Variants in SLC35D2 observed in about 807,000 individuals in gnomAD.
The protein encoded by SLC35D2 is solute carrier family 35 member D2, also known as nucleotide sugar transporter SLC35D2.
SLC35D2 carries 43 observed loss-of-function variants against 41.8 expected under a neutral mutation model. The ratio of observed to expected loss-of-function variants is 1.03; its 90% CI spans 0.81 to 1.33. The LOEUF (loss-of-function observed/expected upper bound fraction) is 1.33. Among genes scored for constraint, SLC35D2 ranks in the 40% most tolerant of loss-of-function variants. The pLI is 0.00. For synonymous variants in SLC35D2, 150 were observed against 163.9 expected, an observed-to-expected ratio of 0.92 and a Z score of 0.65; for missense variants, 380 against 408.4, an observed-to-expected ratio of 0.93 and a Z score of 0.60.
chr9:96,380,098 T>C (rs908738342), intron 1 of SLC35D2, among the ~76,000 whole-genome samples: 1 of 152,156 alleles, frequency 6.6e-6, no homozygotes, highest in African/African-American at 2.4e-5. Flanking sequence ...GGTTTCACCA[T>C]GTTGGTCAGG....
intron 4 of SLC35D2, among the ~76,000 whole-genome samples, chr9:96,359,019 C>T (rs917014137): frequency 1.5e-4 from 22 of 151,082 alleles, no homozygotes; most frequent in Admixed American, 2.6e-4. Context: ...AAATCATTAA[C>T]AGTGGCCGGG....
At chr9:96,348,753 A>C (rs866766717) in intron 6 of SLC35D2, among the ~76,000 whole-genome samples, 33 of 152,246 alleles carry the variant, frequency 2.2e-4, no homozygotes, top group Middle Eastern at 3.4e-3. Context: ...CTCTTGGTTG[A>C]AAGTTAGATG....
chr9:96,359,351 T>C (rs1830171510), intron 4 of SLC35D2, among the ~76,000 whole-genome samples: 1 of 151,122 alleles, frequency 6.6e-6, no homozygotes, highest in African/African-American at 2.4e-5. Context: ...ATCCATTTAA[T>C]AGCATTCCAA....
chr9:96,377,776 T>C (rs1169808507), intron 1 of SLC35D2, among the ~76,000 whole-genome samples: 1 of 151,984 alleles, frequency 6.6e-6, no homozygotes, highest in Non-Finnish European at 1.5e-5. Context: ...CTGAGCTAGG[T>C]GGAGAGGAAG....
At chr9:96,325,931 G>T (rs1828506365) in intron 9 of SLC35D2, among the ~76,000 whole-genome samples, 1 of 152,138 alleles carries the variant, frequency 6.6e-6, no homozygotes, top group Non-Finnish European at 1.5e-5. Flanking sequence ...ACTAGAGGTG[G>T]TAGAGGGAAA....
rs34633441 is a variant in SLC35D2, at chr9:96,358,080, T to TTATATATATATATATATATATA, written c.347+2052_347+2073dup. On this transcript the variant is annotated intron_variant, in intron 4 of 11. Transcript: ENST00000253270. Reference sequence around the variant, plus strand: ...ATGGATAAACAAAATATTATATATTTTATATATATATATATATATATATAT... The same window carrying TTATATATATATATATATATATA: ...ATGGATAAACAAAATATTATATATTTTATATATATATATATATATATATATATATATATATATATATATATAT... Among the ~76,000 whole-genome samples, 692 of 122,394 alleles carry TTATATATATATATATATATATA rather than the reference T, an allele frequency of 5.7e-3. 49 individuals are homozygous for TTATATATATATATATATATATA. The highest frequency in any genetic ancestry group is 0.025 in the African/African-American group (644 of 25,352). 80.3% of individuals were successfully genotyped at this position (122,394 alleles called of 152,430 possible). A position where few individuals can be genotyped will look rare whatever the true frequency, so the allele number is the denominator to read the frequency against.
intron 3 of SLC35D2, among the ~76,000 whole-genome samples, chr9:96,361,357 G>A (rs1158350345): frequency 6.6e-6 from 1 of 152,140 alleles, no homozygotes; most frequent in Non-Finnish European, 1.5e-5. Context: ...AGGGCATAGT[G>A]GTACAGCCCT....
At chr9:96,369,491 CAA>C (rs983887463) in intron 1 of SLC35D2, among the ~76,000 whole-genome samples, 45 of 152,230 alleles carry the variant, frequency 3.0e-4, no homozygotes, top group African/African-American at 1.1e-3. Context: ...TGAAGATAAA[CAA>C]AGTCAGAGGA....
At chr9:96,368,429 T>C (rs1830556532) in intron 1 of SLC35D2, 124 bp from the exon 2 acceptor site, 1 of 808,402 alleles carries the variant, frequency 1.2e-6, no homozygotes, top group African/African-American at 1.8e-5. Flanking sequence ...TTGTTCACTT[T>C]TCATTTAATT....
intron 9 of SLC35D2, among the ~76,000 whole-genome samples, chr9:96,333,640 G>C (rs1219684349): frequency 6.6e-6 from 1 of 151,706 alleles, no homozygotes; most frequent in Non-Finnish European, 1.5e-5. Flanking sequence ...AGACAGATGG[G>C]ATCAAGCCTG....
chr9:96,322,502 G>C (rs978222350), intron 10 of SLC35D2, among the ~76,000 whole-genome samples: 4 of 152,144 alleles, frequency 2.6e-5, no homozygotes, highest in Admixed American at 6.5e-5. Flanking sequence ...CTGGGCAACA[G>C]AGCAAGACCC....
At chr9:96,349,886 C>A (rs1320091227) in intron 6 of SLC35D2, among the ~76,000 whole-genome samples, 1 of 152,130 alleles carries the variant, frequency 6.6e-6, no homozygotes, top group Non-Finnish European at 1.5e-5. Flanking sequence ...CCCTTAGCCC[C>A]TGGAGCATCC....
chr9:96,380,328 T>C (rs908708880), intron 1 of SLC35D2, among the ~76,000 whole-genome samples: 1 of 152,192 alleles, frequency 6.6e-6, no homozygotes, highest in Non-Finnish European at 1.5e-5. Flanking sequence ...TTGGAGGTGT[T>C]GACTGCCATG....
chr9:96,351,287 A>T (rs1313147799), intron 5 of SLC35D2, 116 bp from the exon 6 acceptor site: 1 of 715,054 alleles, frequency 1.4e-6, no homozygotes, highest in African/African-American at 1.8e-5. Flanking sequence ...GCTAAAATCC[A>T]GCAGACAATG....
chr9:96,363,670 C>G (rs561599841), intron 3 of SLC35D2, among the ~76,000 whole-genome samples: 25 of 152,296 alleles, frequency 1.6e-4, no homozygotes, highest in Non-Finnish European at 2.9e-4. Flanking sequence ...TCATTCCACT[C>G]ACAGCTTTTG....
chr9:96,353,144 C>A (rs1452834801), intron 4 of SLC35D2, among the ~76,000 whole-genome samples: 1 of 151,618 alleles, frequency 6.6e-6, no homozygotes, highest in Non-Finnish European at 1.5e-5. Flanking sequence ...GTGGGAAAAA[C>A]ATCAGAAACA....
intron 4 of SLC35D2, among the ~76,000 whole-genome samples, chr9:96,355,532 C>T (rs1436398563): frequency 1.3e-5 from 2 of 150,124 alleles, no homozygotes; most frequent in Non-Finnish European, 3.0e-5. Context: ...GAGTTTCGCT[C>T]GTCGCCCAGG....
At chr9:96,353,679 T>C (rs1050951018) in intron 4 of SLC35D2, among the ~76,000 whole-genome samples, 8 of 152,284 alleles carry the variant, frequency 5.3e-5, no homozygotes, top group Non-Finnish European at 8.8e-5. Context: ...TGTTAAAAGG[T>C]AGATTATGGG....
intron 9 of SLC35D2, among the ~76,000 whole-genome samples, chr9:96,332,664 A>G (rs1256431153): frequency 6.6e-6 from 1 of 151,716 alleles, no homozygotes; most frequent in African/African-American, 2.4e-5. Flanking sequence ...CTATAATCCC[A>G]GCTACTCGAG....
Sources: allele counts gnomAD v4.1 joint callset (sites outside exome capture counted in the v4.1 genomes callset), GRCh38; gene constraint gnomAD v4.1.1; transcripts MANE v1.5; gene names NCBI Gene and HGNC (gene_info 2026-07-23, HGNC 2026-07-21).